The following NAV1 variants were observed in gnomAD, a reference collection of about 807,000 sequenced individuals.
NAV1 encodes the protein neuron navigator 1, also known as pore membrane and/or filament interacting like protein 3.
NAV1 carries 18 observed loss-of-function variants against 175.2 expected under a neutral mutation model. The observed-to-expected ratio is 0.10, with a 90% CI of 0.07 to 0.15. NAV1 has a LOEUF of 0.15. Ranked by LOEUF, NAV1 falls within the 10% of genes least tolerant of loss-of-function variation. The pLI, the probability that NAV1 is intolerant of heterozygous loss-of-function variation, is 1.00. For synonymous variants in NAV1, 897 were observed against 978.7 expected (o/e 0.92, Z 1.56); for missense variants, 1,731 against 2,436.6 (o/e 0.71, Z 6.10).
chr1:201,622,091 C>T (rs1231419063), upstream of NAV1, among the ~76,000 whole-genome samples: 1 of 151,982 alleles, frequency 6.6e-6, no homozygotes, highest in African/African-American at 2.4e-5. Context: ...AAAGGTGGGA[C>T]ACTCAGTCTC....
intron 2 of NAV1, among the ~76,000 whole-genome samples, chr1:201,590,580 C>T (rs528900260): frequency 2.0e-5 from 3 of 152,074 alleles, no homozygotes; most frequent in Non-Finnish European, 2.9e-5. Context: ...CTTTCTTTTT[C>T]GGACACAGGT....
intron 2 of NAV1, among the ~76,000 whole-genome samples, chr1:201,617,206 G>GTCTC (rs3054501): frequency 0.027 from 3,780 of 138,182 alleles, 80 homozygotes; most frequent in East Asian, 0.1. Flanking sequence ...CAATCTCTCT[G>GTCTC]TCTCTCTCTC....
intron 1 of NAV1, among the ~76,000 whole-genome samples, chr1:201,579,234 G>A (rs1263878851): frequency 6.6e-6 from 1 of 152,160 alleles, no homozygotes; most frequent in East Asian, 1.9e-4. Flanking sequence ...GCACCCATTG[G>A]CATTTCTGGG....
chr1:201,548,046 C>T (rs1665719403), intron 1 of NAV1, among the ~76,000 whole-genome samples: 1 of 152,212 alleles, frequency 6.6e-6, no homozygotes, highest in Non-Finnish European at 1.5e-5. Flanking sequence ...CCCACCTCGC[C>T]CTCCCAAAGT....
At chr1:201,820,509 ACAAG>A (rs1273104274) in exon 30 of NAV1, 1 of 152,762 alleles carries the variant, frequency 6.5e-6, no homozygotes, top group Non-Finnish European at 1.5e-5. Flanking sequence ...AAAAACAAAA[ACAAG>A]CAAACAAACA....
chr1:201,705,203 G>A (rs926213), intron 1 of NAV1, among the ~76,000 whole-genome samples: 67,793 of 152,012 alleles, frequency 0.45, 15,518 homozygotes, highest in South Asian at 0.64. Flanking sequence ...ATGCATTACC[G>A]AGGGTCCCTA....
Position 201,584,836 on chromosome 1 carries a change from G to A in NAV1, c.-143-3703G>A, listed in dbSNP as rs146164284. Among the ~76,000 whole-genome samples, 33 of 152,316 alleles carry A rather than the reference G, an allele frequency of 2.2e-4. No homozygotes were observed. The East Asian group carries it at 4.4e-3, about 20-fold the overall frequency. ...AGAGAAAGGGGTTTGGGGAGAGTCCGGAGCAGACAGCAAAGCAGGGAATCA... is the reference window on the plus strand; with the variant it reads ...AGAGAAAGGGGTTTGGGGAGAGTCCAGAGCAGACAGCAAAGCAGGGAATCA... On this transcript the variant is annotated intron_variant, in intron 1 of 33. Coordinates refer to the NAV1 transcript ENST00000685211.
chr1:201,807,899 C>T lies in NAV1; in HGVS notation c.3649-54C>T. 6.4e-7 allele frequency: 1 copy of T among 1,566,546 alleles called. No individual in the cohort carries two copies. The highest frequency in any genetic ancestry group is 1.7e-5 in the Admixed American group (1 of 59,242). ...TCAGAAGTCTCAATCCAGTCCTCCC[C>T]CATCCCAGTAGTGGAGTCCTAATGT... On this transcript the variant is annotated intron_variant, in intron 17 of 29. Coordinates refer to ENST00000367296, the Ensembl canonical transcript of NAV1. The surrounding 1 kb of genome is among the most constrained non-coding windows in gnomAD (Gnocchi z 5.4).
intron 1 of NAV1, among the ~76,000 whole-genome samples, chr1:201,562,549 A>G (rs1762249): frequency 0.98 from 149,326 of 152,322 alleles, 73,216 homozygotes; most frequent in East Asian, 1. Context: ...GGCCAGGCCC[A>G]GGTGGGCAGT....
chr1:201,648,644 C>T, exon 1 of NAV1: 7 of 1,316,454 alleles, frequency 5.3e-6, no homozygotes, highest in Non-Finnish European at 6.7e-6. Flanking sequence ...ACGCGCGGAT[C>T]GTCCATGCGC....
At position 201,808,675 on chromosome 1, in the gene NAV1, C is replaced by T; in HGVS notation, c.4039-28C>T. The stretch of plus-strand genomic sequence containing the variant: ...AAGGCTTGCTGTCTGTCCAGTCTGC[C>T]ACCCTACCCTGTCTGTTCTTGCCAC... On this transcript the variant is annotated intron_variant, in intron 19 of 29. Transcript: ENST00000367296. This position sits in a 1 kb window ranked among gnomAD's most constrained non-coding sequence, Gnocchi z 5.5. 1.9e-6 allele frequency: 3 copies of T among 1,614,230 alleles called. No homozygotes were observed. Among genetic ancestry groups the T allele is most frequent in the Non-Finnish European group, 2.5e-6 (3 of 1,180,042 alleles).
chr1:201,793,957 T>C (rs1571499701), intron 14 of NAV1, 82 bp downstream of exon 18: 3 of 1,224,174 alleles, frequency 2.5e-6, no homozygotes, highest in Admixed American at 2.0e-5. Context: ...TGACCATCTG[T>C]TCTTGCTCAT....
At chr1:201,806,772 C>T (rs1435057552) in intron 17 of NAV1, among the ~76,000 whole-genome samples, 1 of 152,172 alleles carries the variant, frequency 6.6e-6, no homozygotes, top group South Asian at 2.1e-4. Context: ...TGCACACATA[C>T]TCACTCATTC....
At chr1:201,642,544 TCTTTCTTTCTTTTTTCC>T (rs1349575347) in intron 2 of NAV1, among the ~76,000 whole-genome samples, 10 of 114,298 alleles carry the variant, frequency 8.7e-5, no homozygotes, top group Non-Finnish European at 1.7e-4. Context: ...TTTCTTTCTT[TCTTTCTTTCTTTTTTCC>T]CTTTCTTCCC....
chr1:201,574,767 T>C (rs1043298049), intron 1 of NAV1, among the ~76,000 whole-genome samples: 1 of 152,126 alleles, frequency 6.6e-6, no homozygotes, highest in Non-Finnish European at 1.5e-5. Flanking sequence ...GTCACCAGCG[T>C]TGGGAGCCCT....
chr1:201,786,684 C>A lies in NAV1; in HGVS notation c.2995+107C>A, dbSNP rs1223650036. The A allele has an allele frequency of 4.4e-6, 5 of 1,140,750 alleles. No individual in the cohort carries two copies. In the East Asian group the frequency reaches 9.8e-5, roughly 22 times the overall value. The allele number at this position is 1,140,750 out of a possible 1,614,324, so 70.7% of individuals were successfully genotyped here. A position where few individuals can be genotyped will look rare whatever the true frequency, so the allele number is the denominator to read the frequency against. On this transcript the variant is annotated intron_variant, in intron 9 of 29. Transcript: ENST00000367296. Reference sequence around the variant, plus strand: ...GGTTTCATCTCATGTTTGACTCATGCTGTATTGGGTTGTTTCATGGTGCCT... The same window carrying A: ...GGTTTCATCTCATGTTTGACTCATGATGTATTGGGTTGTTTCATGGTGCCT...
chr1:201,644,340 T>A (rs1258382525), upstream of NAV1, among the ~76,000 whole-genome samples: 1 of 152,204 alleles, frequency 6.6e-6, no homozygotes, highest in Non-Finnish European at 1.5e-5. Context: ...CGAGGAACCA[T>A]TCTGCACATA....
intron 2 of NAV1, among the ~76,000 whole-genome samples, chr1:201,642,165 C>CT (rs1267947512): frequency 0.027 from 3,283 of 122,410 alleles, 163 homozygotes; most frequent in African/African-American, 0.11. Context: ...TCTCTCTCCC[C>CT]TCCCTTCCTT....
intron 1 of NAV1, among the ~76,000 whole-genome samples, chr1:201,624,431 C>T (rs2102282588): frequency 6.6e-6 from 1 of 150,710 alleles, no homozygotes; most frequent in Middle Eastern, 3.4e-3. Context: ...GCAACCTCCG[C>T]CTCCCAGGTT....
Sources: gnomAD v4.1 joint callset for allele counts (sites outside exome capture counted in the v4.1 genomes callset) on GRCh38, gnomAD v4.1.1 for gene constraint, Gnocchi (gnomAD v3.1) non-coding constraint, MANE v1.5 for transcripts, NCBI Gene and HGNC (gene_info 2026-07-23, HGNC 2026-07-21) for gene names.